The following PMEPA1 variants were observed in gnomAD, a reference collection of about 807,000 sequenced individuals.
PMEPA1 encodes prostate transmembrane protein, androgen induced 1.
A neutral mutation model predicts 23.0 loss-of-function variants in PMEPA1; 11 were observed. The ratio of observed to expected loss-of-function variants is 0.48; its 90% CI spans 0.30 to 0.79. The LOEUF (loss-of-function observed/expected upper bound fraction) is 0.79, where lower values mean the gene tolerates loss of function less well. Ranked by LOEUF, PMEPA1 falls within the 30% of genes least tolerant of loss-of-function variation. The pLI is 0.06. For synonymous variants in PMEPA1, 204 were observed against 166.4 expected, an observed-to-expected ratio of 1.23 and a Z score of -1.74; for missense variants, 377 against 390.9, an observed-to-expected ratio of 0.96 and a Z score of 0.30.
At chr20:57,669,553 A>T (rs764568834) in intron 1 of PMEPA1, among the ~76,000 whole-genome samples, 5 of 152,236 alleles carry the variant, frequency 3.3e-5, no homozygotes, top group African/African-American at 9.6e-5. Context: ...GAACCACTGA[A>T]ATGTCCCTGG....
In PMEPA1 at chr20:57,682,620, G is replaced by A. The variant is rs1408493943; in HGVS notation, c.110-22923C>T. On this transcript the variant is annotated intron_variant, in intron 1 of 3. Transcript: ENST00000341744. This position sits in a 1 kb window ranked among gnomAD's most constrained non-coding sequence, Gnocchi z 4.4. Reference sequence around the variant, plus strand: ...ACACGAGAAGGAGAGGCACAGCTGCGTCGCTGGCTGTGACCCACACTCCTC... The same window carrying A: ...ACACGAGAAGGAGAGGCACAGCTGCATCGCTGGCTGTGACCCACACTCCTC... Among the ~76,000 whole-genome samples, 8 of 151,812 alleles carry A rather than the reference G, an allele frequency of 5.3e-5. No individual in the cohort carries two copies. The highest frequency in any genetic ancestry group is 3.3e-4 in the Admixed American group (5 of 15,248).
intron 1 of PMEPA1, among the ~76,000 whole-genome samples, chr20:57,679,435 G>A (rs2071681487): frequency 6.6e-6 from 1 of 152,220 alleles, no homozygotes; most frequent in Admixed American, 6.5e-5. Flanking sequence ...AAACGATTCA[G>A]GTATCATTTT....
At chr20:57,673,526 T>C (rs961204519) in intron 1 of PMEPA1, among the ~76,000 whole-genome samples, 12 of 151,818 alleles carry the variant, frequency 7.9e-5, no homozygotes, top group Non-Finnish European at 1.5e-4. Context: ...CATGCAGGAG[T>C]CCAGTCTCTA....
chr20:57,675,857 TTCCCTGTGTC>T (rs1377868577), intron 1 of PMEPA1, among the ~76,000 whole-genome samples: 1 of 152,232 alleles, frequency 6.6e-6, no homozygotes, highest in African/African-American at 2.4e-5. Context: ...CGTTGAGTCT[TTCCCTGTGTC>T]TCCATCTGTA....
At chr20:57,684,709 G>A (rs955572109) in intron 1 of PMEPA1, among the ~76,000 whole-genome samples, 1 of 152,164 alleles carries the variant, frequency 6.6e-6, no homozygotes, top group Non-Finnish European at 1.5e-5. Context: ...AACCTCGGAC[G>A]CATTCAACTA....
In PMEPA1 at chr20:57,659,683, C is replaced by A. The variant is rs2071384816; in HGVS notation, c.124G>T (p.Val42Phe). 6.3e-7 allele frequency: 1 copy of A among 1,583,510 alleles called. No individual in the cohort carries two copies. Among genetic ancestry groups the A allele is most frequent in the Non-Finnish European group, 8.6e-7 (1 of 1,164,948 alleles). The change falls in exon 2 of 4, where the codon GTT (valine) becomes TTT (phenylalanine). Residue 42 changes from valine (V) to phenylalanine (F), a missense_variant. By Grantham distance (50) the Val-to-Phe change is conservative. Around this residue, in one of 3 missense-constraint regions of PMEPA1, gnomAD observed 198 missense variants for 196.3 expected, o/e 1.01. Transcript: ENST00000341744. ...QSMEITELEF[V>F]QIIIIVVVMM... ...ACCACCACGATGATGATGATCTGAA[C>A]AAACTCCAGCTCCGCTGTGGAGACA...
chr20:57,665,982 T>C (rs994100093), intron 1 of PMEPA1, among the ~76,000 whole-genome samples: 2 of 152,172 alleles, frequency 1.3e-5, no homozygotes. Flanking sequence ...TCTCATTTCA[T>C]TCTGGGCATC....
chr20:57,652,630 C>A lies in PMEPA1; in HGVS notation c.319-32G>T, dbSNP rs919125357. On this transcript the variant is annotated intron_variant, in intron 3 of 3. Transcript: ENST00000341744. This position sits in a 1 kb window ranked among gnomAD's most constrained non-coding sequence, Gnocchi z 6.1. Reference sequence around the variant, plus strand: ...GAAGCAGAGCGGGAGTGAGGGAGGGCGGCTGTCTCAGGTGGGTTGTCCAGA... The same window carrying A: ...GAAGCAGAGCGGGAGTGAGGGAGGGAGGCTGTCTCAGGTGGGTTGTCCAGA... 7.7e-6 allele frequency: 11 copies of A among 1,437,004 alleles called. No homozygotes were observed. Among genetic ancestry groups the A allele is most frequent in the South Asian group, 1.5e-5 (1 of 68,188 alleles). 89.0% of individuals were successfully genotyped at this position (1,437,004 alleles called of 1,614,324 possible).
At chr20:57,697,917 G>A (rs1204268457) in intron 1 of PMEPA1, among the ~76,000 whole-genome samples, 3 of 152,214 alleles carry the variant, frequency 2.0e-5, no homozygotes, top group East Asian at 1.9e-4. Flanking sequence ...ACGAACAACC[G>A]CAAACATCTA....
intron 1 of PMEPA1, among the ~76,000 whole-genome samples, chr20:57,661,018 G>C (rs1038003078): frequency 6.6e-6 from 1 of 152,110 alleles, no homozygotes; most frequent in Non-Finnish European, 1.5e-5. Context: ...ACAAACACAC[G>C]CCACGCTCAA....
At chr20:57,669,151 A>ATTTG (rs2071533581) in intron 1 of PMEPA1, among the ~76,000 whole-genome samples, 1 of 126,340 alleles carries the variant, frequency 7.9e-6, no homozygotes, top group Non-Finnish European at 1.6e-5. Context: ...ACATTTATTT[A>ATTTG]TTTATTTATT....
In PMEPA1 at chr20:57,652,738, G is replaced by A. The variant is rs2071268585; in HGVS notation, c.319-140C>T. On this transcript the variant is annotated intron_variant, in intron 3 of 3. Transcript: ENST00000341744. The surrounding 1 kb of genome is among the most constrained non-coding windows in gnomAD (Gnocchi z 6.1). ...AGGGCAGCAGGGCTGGCGGGGGCGGGAGCCCAGAGCCTGATCCCGCGGGGG... is the reference window on the plus strand; with the variant it reads ...AGGGCAGCAGGGCTGGCGGGGGCGGAAGCCCAGAGCCTGATCCCGCGGGGG... 8 of 806,798 alleles carry A rather than the reference G, an allele frequency of 9.9e-6. No homozygotes were observed. The highest frequency in any genetic ancestry group is 8.8e-5 in the Admixed American group (3 of 34,092). 50.0% of individuals were successfully genotyped at this position (806,798 alleles called of 1,614,324 possible). A position where few individuals can be genotyped will look rare whatever the true frequency, so the allele number is the denominator to read the frequency against.
At chr20:57,687,552 C>T (rs1307405004) in intron 1 of PMEPA1, among the ~76,000 whole-genome samples, 2 of 152,232 alleles carry the variant, frequency 1.3e-5, no homozygotes, top group Non-Finnish European at 2.9e-5. Context: ...CCTCCAGGAG[C>T]TTCCTCTCCC....
At position 57,681,717 on chromosome 20, in the gene PMEPA1, C is replaced by T. The variant is rs748584075; in HGVS notation, c.110-22020G>A. On this transcript the variant is annotated intron_variant, in intron 1 of 3. Coordinates refer to ENST00000341744, the MANE Select transcript of PMEPA1 (RefSeq NM_020182.5). ...TTTTCCCAGAATCAGAACTTGTGTACGCTTTAGTCACCCCCTCATTTTACA... is the reference window on the plus strand; with the variant it reads ...TTTTCCCAGAATCAGAACTTGTGTATGCTTTAGTCACCCCCTCATTTTACA... Among the ~76,000 whole-genome samples, 16 of 152,256 alleles carry T rather than the reference C, an allele frequency of 1.1e-4. 1 individual carries two copies. The highest frequency in any genetic ancestry group is 5.9e-4 in the Admixed American group (9 of 15,302).
In PMEPA1 at chr20:57,682,299, C is replaced by T. The variant is rs531938824; in HGVS notation, c.110-22602G>A. Among the ~76,000 whole-genome samples the T allele has an allele frequency of 1.4e-3, 219 of 152,266 alleles. 1 individual carries two copies. In the Middle Eastern group the frequency reaches 0.024, roughly 17 times the overall value. On this transcript the variant is annotated intron_variant, in intron 1 of 3. Coordinates refer to ENST00000341744, the MANE Select transcript of PMEPA1 (RefSeq NM_020182.5). This position sits in a 1 kb window ranked among gnomAD's most constrained non-coding sequence, Gnocchi z 4.4. ...AGCTGAGTGTGAATGGTGCTCAGAG[C>T]GGGGGACCAGCTCCACCAGCGGTTC...
chr20:57,654,525 TGCCTC>T (rs1057488739), intron 2 of PMEPA1, among the ~76,000 whole-genome samples: 1 of 152,130 alleles, frequency 6.6e-6, no homozygotes, highest in Non-Finnish European at 1.5e-5. Flanking sequence ...AGGTCTTAAC[TGCCTC>T]GTCTCCTGAT....
intron 1 of PMEPA1, among the ~76,000 whole-genome samples, chr20:57,674,646 G>C (rs1475616259): frequency 1.3e-5 from 2 of 152,210 alleles, no homozygotes; most frequent in Non-Finnish European, 2.9e-5. Flanking sequence ...GGGACGCCCA[G>C]GGGGATGTCT....
At chr20:57,705,458 A>C (rs1323285248) in intron 1 of PMEPA1, among the ~76,000 whole-genome samples, 1 of 152,238 alleles carries the variant, frequency 6.6e-6, no homozygotes, top group Non-Finnish European at 1.5e-5. Flanking sequence ...CTGGTGTTGG[A>C]CATCTGTATT....
intron 1 of PMEPA1, among the ~76,000 whole-genome samples, chr20:57,688,862 C>T (rs528527657): frequency 1.3e-5 from 2 of 152,290 alleles, no homozygotes; most frequent in South Asian, 2.1e-4. Context: ...CCCGCCTGTC[C>T]TCCCCTTTAC....
Sources: allele counts gnomAD v4.1 joint callset (sites outside exome capture counted in the v4.1 genomes callset), GRCh38; gene constraint gnomAD v4.1.1; regional missense constraint gnomAD v4.1.1; non-coding constraint Gnocchi (gnomAD v3.1); transcripts MANE v1.5; gene names NCBI Gene and HGNC (gene_info 2026-07-23, HGNC 2026-07-21).